The following TMEM163 variants were observed in gnomAD, a reference collection of about 807,000 sequenced individuals.
TMEM163 encodes transmembrane protein 163.
In TMEM163, 17 loss-of-function variants were observed where a neutral mutation model predicts 29.3. That is an observed-to-expected ratio of 0.58 (90% CI 0.40 to 0.87). TMEM163 has a LOEUF of 0.87. Among genes scored for constraint, TMEM163 ranks in the 40% least tolerant of loss-of-function variants. The probability of loss-of-function intolerance (pLI) is 0.00; values close to 1 mark genes in which losing one functional copy is unlikely to be tolerated. For synonymous variants in TMEM163, 157 were observed against 160.6 expected (o/e 0.98, Z 0.17); for missense variants, 303 against 381.5 (o/e 0.79, Z 1.71).
At chr2:134,693,625 A>C (rs1684521808) in intron 2 of TMEM163, among the ~76,000 whole-genome samples, 1 of 151,788 alleles carries the variant, frequency 6.6e-6, no homozygotes, top group African/African-American at 2.4e-5. Flanking sequence ...AAAAAAAAAA[A>C]AAAAACCTGA....
intron 5 of TMEM163, among the ~76,000 whole-genome samples, chr2:134,502,691 T>C (rs1333754611): frequency 6.6e-6 from 1 of 152,128 alleles, no homozygotes; most frequent in African/African-American, 2.4e-5. Context: ...CAGAACCCAG[T>C]CCTAGCTCAC....
At chr2:134,712,556 T>C (rs1684948427) in intron 2 of TMEM163, among the ~76,000 whole-genome samples, 1 of 152,062 alleles carries the variant, frequency 6.6e-6, no homozygotes, top group Non-Finnish European at 1.5e-5. Flanking sequence ...TTCATAAGAA[T>C]AAATAGCACA....
intron 4 of TMEM163, among the ~76,000 whole-genome samples, chr2:134,544,486 A>G (rs1010885045): frequency 2.6e-5 from 4 of 152,170 alleles, no homozygotes; most frequent in Admixed American, 1.3e-4. Context: ...AAATTCTTTA[A>G]ATCAAGTTAA....
At chr2:134,630,693 G>A (rs904990430) in intron 2 of TMEM163, among the ~76,000 whole-genome samples, 25 of 152,158 alleles carry the variant, frequency 1.6e-4, no homozygotes, top group African/African-American at 6.0e-4. Context: ...TCTCCCCTGG[G>A]CCCCTCCCTC....
chr2:134,517,260 G>T (rs901651589), intron 4 of TMEM163, among the ~76,000 whole-genome samples: 4 of 152,130 alleles, frequency 2.6e-5, no homozygotes, highest in African/African-American at 7.2e-5. Context: ...GGCTTACAGA[G>T]AACTCTCGTG....
At chr2:134,465,919 C>T (rs1391573776) in intron 6 of TMEM163, among the ~76,000 whole-genome samples, 195 bp downstream of exon 6, 2 of 152,122 alleles carry the variant, frequency 1.3e-5, no homozygotes, top group Non-Finnish European at 2.9e-5. Flanking sequence ...TTATTGAATT[C>T]CCAGGGCACA....
chr2:134,510,662 C>T (rs1335472852), intron 4 of TMEM163, among the ~76,000 whole-genome samples: 2 of 152,114 alleles, frequency 1.3e-5, no homozygotes, highest in South Asian at 4.2e-4. Flanking sequence ...AATTTTGAGA[C>T]TGGACACAAA....
chr2:134,658,497 A>T (rs1683672447), intron 2 of TMEM163, among the ~76,000 whole-genome samples: 1 of 152,152 alleles, frequency 6.6e-6, no homozygotes, highest in Non-Finnish European at 1.5e-5. Flanking sequence ...GTATGAGCAA[A>T]GCAGAGCCTA....
chr2:134,630,816 G>A (rs1682951410), intron 2 of TMEM163, among the ~76,000 whole-genome samples: 1 of 152,166 alleles, frequency 6.6e-6, no homozygotes, highest in African/African-American at 2.4e-5. Context: ...TTTTGAAACT[G>A]ATTTTGTAAT....
At chr2:134,458,646 T>C (rs1686456479) in intron 6 of TMEM163, 1 of 157,956 alleles carries the variant, frequency 6.3e-6, no homozygotes, top group Non-Finnish European at 1.4e-5. Flanking sequence ...TCGTGTGACG[T>C]CACATTATCA....
intron 6 of TMEM163, 85 bp downstream of exon 6, chr2:134,466,029 G>C (rs1338883931): frequency 1.0e-6 from 1 of 957,884 alleles, no homozygotes; most frequent in African/African-American, 1.7e-5. Context: ...TCTCCAGCAA[G>C]GGAAACAACT....
chr2:134,458,360 G>A (rs538603845), intron 6 of TMEM163, 187 bp from the exon 7 acceptor site: 2 of 627,366 alleles, frequency 3.2e-6, no homozygotes, highest in Non-Finnish European at 5.6e-6. Flanking sequence ...ATACCTCCCA[G>A]AATAGAGCCG....
In TMEM163 at chr2:134,574,245, G is replaced by A. The variant is rs372823072; in HGVS notation, c.323-22154C>T. 1.6e-4 allele frequency among the ~76,000 whole-genome samples: 24 copies of A among 152,290 alleles called. 1 individual carries two copies. In the South Asian group the frequency reaches 4.8e-3, roughly 30 times the overall value. On this transcript the variant is annotated intron_variant, in intron 2 of 7. Coordinates refer to ENST00000281924, the MANE Select transcript of TMEM163 (RefSeq NM_030923.5). ...AAATAGCCAAGCATTAAAAGAGCTA[G>A]GACATAGGCTCTATTCAAAATCTAG...
chr2:134,648,616 C>T (rs1683395354), intron 2 of TMEM163, among the ~76,000 whole-genome samples: 1 of 152,092 alleles, frequency 6.6e-6, no homozygotes, highest in African/African-American at 2.4e-5. Context: ...CAGCTGGCAA[C>T]AACGAAAGAT....
intron 2 of TMEM163, among the ~76,000 whole-genome samples, chr2:134,568,605 AAAG>A (rs1681351538): frequency 6.6e-6 from 1 of 151,564 alleles, no homozygotes; most frequent in Non-Finnish European, 1.5e-5. Flanking sequence ...AAAAGGAAAG[AAAG>A]AAGGAAAAGA....
chr2:134,566,913 TGTA>T (rs1256202390), intron 2 of TMEM163, among the ~76,000 whole-genome samples: 2 of 152,168 alleles, frequency 1.3e-5, no homozygotes, highest in African/African-American at 4.8e-5. Context: ...CGCTGCAAAA[TGTA>T]GTGACAGAAT....
Position 134,479,409 on chromosome 2 carries a change from C to A in TMEM163, c.556-13184G>T, listed in dbSNP as rs140557137. ...TTGCCCCAAAGTGTGAAAAACAACA[C>A]CTTTACCCTATTGAACAAAATGTTT... is the stretch of plus-strand genomic sequence containing the variant. On this transcript the variant is annotated intron_variant, in intron 5 of 7. Transcript: ENST00000281924. Among the ~76,000 whole-genome samples, 331 of 152,286 alleles carry A rather than the reference C, an allele frequency of 2.2e-3. 3 individuals carry two copies. The highest frequency in any genetic ancestry group is 7.5e-3 in the African/African-American group (311 of 41,556).
At chr2:134,527,829 C>G (rs1680330586) in intron 4 of TMEM163, among the ~76,000 whole-genome samples, 1 of 152,186 alleles carries the variant, frequency 6.6e-6, no homozygotes, top group Non-Finnish European at 1.5e-5. Flanking sequence ...GCCAAAGACA[C>G]AATCAAAAGA....
intron 5 of TMEM163, among the ~76,000 whole-genome samples, chr2:134,489,101 C>A (rs1409607987): frequency 1.3e-5 from 2 of 152,176 alleles, no homozygotes; most frequent in Non-Finnish European, 2.9e-5. Flanking sequence ...ACACCATCCT[C>A]ACACGGTACA....
Sources: allele counts gnomAD v4.1 joint callset (sites outside exome capture counted in the v4.1 genomes callset), GRCh38; gene constraint gnomAD v4.1.1; transcripts MANE v1.5; gene names NCBI Gene and HGNC (gene_info 2026-07-23, HGNC 2026-07-21).